Variants in TRHDE observed in about 807,000 individuals in gnomAD.
TRHDE encodes the protein thyrotropin releasing hormone degrading enzyme, also known as thyrotropin-releasing hormone-degrading ectoenzyme.
TRHDE carries 72 observed loss-of-function variants against 125.7 expected under a neutral mutation model. That is an observed-to-expected ratio of 0.57 (90% CI 0.47 to 0.70). The LOEUF (loss-of-function observed/expected upper bound fraction) is 0.70, where lower values mean the gene tolerates loss of function less well. Ranked by LOEUF, TRHDE falls within the 30% of genes least tolerant of loss-of-function variation. The pLI, the probability that TRHDE is intolerant of heterozygous loss-of-function variation, is 0.00. For missense variants in TRHDE, 1,110 were observed against 1,327.1 expected, an observed-to-expected ratio of 0.84 and a Z score of 2.54; for synonymous variants, 509 against 509.1, an observed-to-expected ratio of 1.00 and a Z score of 0.00.
chr12:72,184,115 C>T (rs1240144800), intron 2 of TRHDE, among the ~76,000 whole-genome samples: 1 of 152,078 alleles, frequency 6.6e-6, no homozygotes, highest in East Asian at 1.9e-4. Context: ...GCAGGCCACT[C>T]GTTCATCATG....
At chr12:72,483,062 C>T (rs752555082) in intron 5 of TRHDE, among the ~76,000 whole-genome samples, 16 of 151,806 alleles carry the variant, frequency 1.1e-4, no homozygotes, top group Non-Finnish European at 1.9e-4. Flanking sequence ...CAAATATTTA[C>T]AAGGATTAAT....
chr12:72,100,982 T>C (rs1272934470), intron 1 of TRHDE, among the ~76,000 whole-genome samples: 1 of 152,226 alleles, frequency 6.6e-6, no homozygotes, highest in East Asian at 1.9e-4. Flanking sequence ...CTGCATGCGA[T>C]GTACCCAAAT....
intron 2 of TRHDE, among the ~76,000 whole-genome samples, chr12:72,260,904 T>A (rs1225181875): frequency 6.6e-6 from 1 of 152,184 alleles, no homozygotes; most frequent in African/African-American, 2.4e-5. Context: ...ATCATGCCAA[T>A]AGTTACAAGG....
At chr12:72,320,132 G>T (rs1310515099) in intron 2 of TRHDE, among the ~76,000 whole-genome samples, 3 of 151,838 alleles carry the variant, frequency 2.0e-5, no homozygotes, top group African/African-American at 4.8e-5. Flanking sequence ...CTTGTAAATT[G>T]CTTCAGTTCT....
chr12:72,296,794 T>C (rs1316156042), intron 2 of TRHDE, among the ~76,000 whole-genome samples: 1 of 152,046 alleles, frequency 6.6e-6, no homozygotes, highest in Admixed American at 6.5e-5. Context: ...ATTTCATTAG[T>C]GTGGTAGGAG....
intron 1 of TRHDE, among the ~76,000 whole-genome samples, chr12:72,279,093 G>A (rs1592515201): frequency 6.6e-6 from 1 of 152,114 alleles, no homozygotes; most frequent in Non-Finnish European, 1.5e-5. Flanking sequence ...CCCAGTATTT[G>A]TTTGGTTTGC....
intron 1 of TRHDE, among the ~76,000 whole-genome samples, chr12:72,102,482 A>C (rs749522585): frequency 1.3e-5 from 2 of 152,196 alleles, no homozygotes; most frequent in African/African-American, 2.4e-5. Context: ...CTGCTGGGCC[A>C]CCTGATTCCA....
At chr12:72,245,603 CA>C (rs1878561098) in intron 2 of TRHDE, among the ~76,000 whole-genome samples, 1 of 151,950 alleles carries the variant, frequency 6.6e-6, no homozygotes, top group Non-Finnish European at 1.5e-5. Flanking sequence ...GTTTTATTTA[CA>C]AAAGGTTCAC....
intron 12 of TRHDE, among the ~76,000 whole-genome samples, chr12:72,602,468 G>A (rs764994956): frequency 2.0e-5 from 3 of 152,158 alleles, no homozygotes; most frequent in Non-Finnish European, 4.4e-5. Context: ...AAATCTGGAG[G>A]TATGGTGGGT....
At chr12:72,235,496 A>G (rs1307455822) in intron 2 of TRHDE, among the ~76,000 whole-genome samples, 1 of 152,160 alleles carries the variant, frequency 6.6e-6, no homozygotes. Flanking sequence ...GCCTGTCTTT[A>G]TCAGTCAGCT....
At chr12:72,288,644 G>C (rs1879979325) in intron 2 of TRHDE, among the ~76,000 whole-genome samples, 1 of 152,132 alleles carries the variant, frequency 6.6e-6, no homozygotes, top group Non-Finnish European at 1.5e-5. Context: ...GGGTCAGCTA[G>C]CATAGGGTAC....
intron 3 of TRHDE, among the ~76,000 whole-genome samples, chr12:72,381,472 T>C (rs1224361840): frequency 6.7e-6 from 1 of 148,442 alleles, no homozygotes; most frequent in Non-Finnish European, 1.5e-5. Flanking sequence ...CTCGGCTCAC[T>C]GCAAGCTCCG....
At chr12:72,111,503 T>C (rs187538675) in intron 2 of TRHDE, among the ~76,000 whole-genome samples, 4 of 152,304 alleles carry the variant, frequency 2.6e-5, no homozygotes, top group Admixed American at 2.0e-4. Context: ...TTTGGGACTA[T>C]GAAAGAACAA....
chr12:72,584,359 A>G (rs1247656393), intron 12 of TRHDE, among the ~76,000 whole-genome samples: 1 of 152,116 alleles, frequency 6.6e-6, no homozygotes, highest in African/African-American at 2.4e-5. Flanking sequence ...ATGGTTCAGT[A>G]TTGCTAATTC....
chr12:72,624,510 C>T (rs1873178523), intron 15 of TRHDE, among the ~76,000 whole-genome samples: 1 of 151,774 alleles, frequency 6.6e-6, no homozygotes, highest in Non-Finnish European at 1.5e-5. Flanking sequence ...AATCTTGATA[C>T]ATTGGGGATA....
At chr12:72,228,506 G>A (rs1878182489) in intron 2 of TRHDE, among the ~76,000 whole-genome samples, 1 of 152,166 alleles carries the variant, frequency 6.6e-6, no homozygotes, top group Admixed American at 6.5e-5. Context: ...TGTGATGGGA[G>A]GGCCTGCTGT....
chr12:72,505,889 C>T (rs1185118898), intron 6 of TRHDE, among the ~76,000 whole-genome samples: 6 of 152,168 alleles, frequency 3.9e-5, no homozygotes, highest in Non-Finnish European at 5.9e-5. Context: ...ACCAGGCTCC[C>T]CATCCACAAC....
chr12:72,481,611 T>G (rs1201156856), intron 5 of TRHDE, among the ~76,000 whole-genome samples: 1 of 151,480 alleles, frequency 6.6e-6, no homozygotes, highest in Non-Finnish European at 1.5e-5. Flanking sequence ...TAGATCACTG[T>G]TCAGTTCTGC....
At chr12:72,334,213 A>C (rs187352982) in intron 2 of TRHDE, among the ~76,000 whole-genome samples, 1 of 152,346 alleles carries the variant, frequency 6.6e-6, no homozygotes, top group Admixed American at 6.5e-5. Context: ...TAATTGCCAT[A>C]GTCGACATTT....
Sources: allele counts gnomAD v4.1 joint callset (sites outside exome capture counted in the v4.1 genomes callset), GRCh38; gene constraint gnomAD v4.1.1; transcripts MANE v1.5; gene names NCBI Gene and HGNC (gene_info 2026-07-23, HGNC 2026-07-21).